TAMM41: variants seen among roughly 807,000 people sequenced by gnomAD.
The protein encoded by TAMM41 is TAM41 mitochondrial translocator assembly and maintenance homolog, also known as phosphatidate cytidylyltransferase, mitochondrial.
TAMM41 carries 36 observed loss-of-function variants against 44.1 expected under a neutral mutation model. That is an observed-to-expected ratio of 0.82 (90% confidence interval 0.63 to 1.08). The LOEUF is 1.08. Among genes scored for constraint, TAMM41 ranks in the 50% least tolerant of loss-of-function variants. The pLI, the probability that TAMM41 is intolerant of heterozygous loss-of-function variation, is 0.00. For synonymous variants in TAMM41, 164 were observed against 153.1 expected, an observed-to-expected ratio of 1.07 and a Z score of -0.53; for missense variants, 417 against 404.3, an observed-to-expected ratio of 1.03 and a Z score of -0.27.
At chr3:11,787,265 C>T (rs370875644), downstream of TAMM41, among the ~76,000 whole-genome samples, 6 of 152,156 alleles carry the variant, frequency 3.9e-5, no homozygotes, top group South Asian at 2.1e-4. Context: ...TAAGGCCCAC[C>T]GACATTCAAG....
At chr3:11,758,790 C>T in the TAMM41 span, among the ~76,000 whole-genome samples, 2 of 152,244 alleles carry the variant, frequency 1.3e-5, no homozygotes, top group African/African-American at 4.8e-5. Context: ...TCTCCCGCCT[C>T]AGCCTCCTGA....
the TAMM41 span, among the ~76,000 whole-genome samples, chr3:11,735,531 G>T: frequency 6.6e-6 from 1 of 151,274 alleles, no homozygotes; most frequent in Non-Finnish European, 1.5e-5. Flanking sequence ...CTACTTGGGG[G>T]TGCTGAGGCG....
At chr3:11,787,525 C>T (rs959795011), downstream of TAMM41, among the ~76,000 whole-genome samples, 9 of 152,232 alleles carry the variant, frequency 5.9e-5, no homozygotes, top group African/African-American at 2.2e-4. Context: ...ATATTAAATT[C>T]CTTCTATTTG....
the TAMM41 span, among the ~76,000 whole-genome samples, chr3:11,781,699 C>T: frequency 6.6e-6 from 1 of 151,498 alleles, no homozygotes; most frequent in East Asian, 1.9e-4. Context: ...CATACCACTA[C>T]ACTCCAGCCT....
In TAMM41 at chr3:11,796,279, G is replaced by A. The variant is rs908594053; in HGVS notation, c.938-5698C>T. Among the ~76,000 whole-genome samples, 5 of 152,276 alleles carry A rather than the reference G, an allele frequency of 3.3e-5. No homozygotes were observed. In the South Asian group the frequency reaches 8.3e-4, roughly 25 times the overall value. ...ATCTACATTCATCTAAATTTATAAA[G>A]CACCTCTGGATAACACCCTGGACGC... On this transcript the variant is annotated intron_variant, in intron 7 of 7. Transcript: ENST00000455809.
chr3:11,807,382 T>C, intron 7 of TAMM41: 1 of 1,508,954 alleles, frequency 6.6e-7, no homozygotes, highest in Non-Finnish European at 8.8e-7. Flanking sequence ...ATACCTAAAG[T>C]TGAAACGTAG....
chr3:11,846,020 A>G (rs116319184), intron 1 of TAMM41, among the ~76,000 whole-genome samples: 3 of 152,144 alleles, frequency 2.0e-5, no homozygotes, highest in Non-Finnish European at 4.4e-5. Context: ...TTTCTCCTAC[A>G]TTTATAGAGG....
the TAMM41 span, among the ~76,000 whole-genome samples, chr3:11,757,523 G>A: frequency 1.3e-5 from 2 of 152,116 alleles, no homozygotes; most frequent in African/African-American, 2.4e-5. Context: ...AGCAGCCCAC[G>A]AGACCACAGA....
intron 2 of TAMM41, among the ~76,000 whole-genome samples, chr3:11,841,378 C>A (rs954838363): frequency 6.6e-6 from 1 of 152,004 alleles, no homozygotes; most frequent in African/African-American, 2.4e-5. Context: ...CTGCCGTGCC[C>A]GGACAGTTAA....
At chr3:11,843,903 G>T in intron 2 of TAMM41, 126 bp downstream of exon 2, 1 of 950,720 alleles carries the variant, frequency 1.1e-6, no homozygotes, top group South Asian at 1.7e-5. Context: ...CATATTTCCC[G>T]ACTATAACAA....
At chr3:11,827,721 G>C (rs747387613) in intron 4 of TAMM41, among the ~76,000 whole-genome samples, 20 of 151,228 alleles carry the variant, frequency 1.3e-4, no homozygotes, top group Non-Finnish European at 2.6e-4. Context: ...CTCCTTCCCA[G>C]TTTGCAGCCT....
At chr3:11,745,807 C>A in the TAMM41 span, among the ~76,000 whole-genome samples, 2 of 152,094 alleles carry the variant, frequency 1.3e-5, no homozygotes, top group Non-Finnish European at 2.9e-5. Flanking sequence ...GAACTGTACA[C>A]TGAAAAATGA....
intron 3 of TAMM41, among the ~76,000 whole-genome samples, chr3:11,837,420 G>C (rs927403524): frequency 6.6e-6 from 1 of 150,750 alleles, no homozygotes; most frequent in African/African-American, 2.4e-5. Context: ...AAAAAAAGAA[G>C]AAAGAAAAGT....
the TAMM41 span, among the ~76,000 whole-genome samples, chr3:11,780,839 T>C: frequency 6.6e-6 from 1 of 152,228 alleles, no homozygotes. Flanking sequence ...CAGCTCTTGG[T>C]ATGCAGAGGG....
chr3:11,797,839 A>G (rs546814998), intron 7 of TAMM41, among the ~76,000 whole-genome samples: 1 of 152,350 alleles, frequency 6.6e-6, no homozygotes, highest in African/African-American at 2.4e-5. Flanking sequence ...GGCAAAGGAC[A>G]TGAACAGACA....
intron 4 of TAMM41, among the ~76,000 whole-genome samples, chr3:11,823,829 CTTTTT>C (rs35092715): frequency 8.5e-6 from 1 of 117,942 alleles, no homozygotes; most frequent in Non-Finnish European, 1.7e-5. Flanking sequence ...CCATGCCCGG[CTTTTT>C]TTTTTTTTTT....
intron 4 of TAMM41, among the ~76,000 whole-genome samples, chr3:11,817,548 C>T (rs2078333412): frequency 6.6e-6 from 1 of 152,150 alleles, no homozygotes; most frequent in South Asian, 2.1e-4. Flanking sequence ...ATCACAAAGC[C>T]CTTTATGCCA....
chr3:11,741,216 C>CAA, the TAMM41 span, among the ~76,000 whole-genome samples: 649 of 61,790 alleles, frequency 0.011, 74 homozygotes, highest in African/African-American at 0.042. Flanking sequence ...GACACCGTCT[C>CAA]AAAAAAAAAA....
chr3:11,763,440 T>A, the TAMM41 span, among the ~76,000 whole-genome samples: 1 of 152,022 alleles, frequency 6.6e-6, no homozygotes, highest in Non-Finnish European at 1.5e-5. Flanking sequence ...CCACACCCAG[T>A]CCCTTAAAGC....
Sources: allele counts gnomAD v4.1 joint callset (sites outside exome capture counted in the v4.1 genomes callset), GRCh38; gene constraint gnomAD v4.1.1; transcripts MANE v1.5; gene names NCBI Gene and HGNC (gene_info 2026-07-23, HGNC 2026-07-21).